SRXN1: variants seen among roughly 807,000 people sequenced by gnomAD.
SRXN1 encodes the protein sulfiredoxin-1.
Under a neutral mutation model 11.0 loss-of-function variants are expected in SRXN1, and 11 were observed. That is an observed-to-expected ratio of 1.00 (90% CI 0.63 to 1.65). SRXN1 has a LOEUF of 1.65. Among genes scored for constraint, SRXN1 ranks in the 40% most tolerant of loss-of-function variants. SRXN1 has a pLI of 0.00. For synonymous variants in SRXN1, 106 were observed against 92.8 expected, an observed-to-expected ratio of 1.14 and a Z score of -0.82; for missense variants, 211 against 194.5, an observed-to-expected ratio of 1.08 and a Z score of -0.50.
intron 1 of SRXN1, 125 bp from the exon 2 acceptor site, chr20:649,042 T>G: frequency 9.9e-7 from 1 of 1,010,110 alleles, no homozygotes; most frequent in Non-Finnish European, 1.5e-6. Flanking sequence ...GAGAGACAAC[T>G]GTTAATTATC....
intron 1 of SRXN1, 39 bp downstream of exon 1, chr20:652,937 A>C (rs1215833802): frequency 2.2e-6 from 3 of 1,377,864 alleles, no homozygotes; most frequent in African/African-American, 3.0e-5. Context: ...CCTCCTCCGA[A>C]GCCCTCCCTC....
At chr20:649,196 C>T (rs1294366373) in intron 1 of SRXN1, among the ~76,000 whole-genome samples, 1 of 152,234 alleles carries the variant, frequency 6.6e-6, no homozygotes, top group Admixed American at 6.5e-5. Flanking sequence ...CACTATCCAG[C>T]TGGCCCTGTT....
At chr20:648,985 T>C in intron 1 of SRXN1, 68 bp from the exon 2 acceptor site, 2 of 1,549,214 alleles carry the variant, frequency 1.3e-6, no homozygotes, top group East Asian at 2.3e-5. Flanking sequence ...GCAGACTTTG[T>C]CCACTTGTGC....
intron 1 of SRXN1, among the ~76,000 whole-genome samples, chr20:652,519 T>A (rs1253136781): frequency 6.6e-6 from 1 of 152,118 alleles, no homozygotes; most frequent in African/African-American, 2.4e-5. Context: ...GCCCACGGCT[T>A]ATCTCCGGGT....
chr20:648,703 C>CA lies in SRXN1; in HGVS notation c.*10dup. 1 of 1,613,876 alleles carries CA rather than the reference C, an allele frequency of 6.2e-7. No homozygotes were observed. The highest frequency in any genetic ancestry group is 8.5e-7 in the Non-Finnish European group (1 of 1,179,810). On this transcript the variant is annotated 3_prime_UTR_variant, in exon 2 of 2. Transcript: ENST00000381962. ...GGCTCTTGAAGGTGGCAGCAGGTGCCAAGGAGGCTGCTACTGCAAGTCTGG... is the reference window on the plus strand; with the variant it reads ...GGCTCTTGAAGGTGGCAGCAGGTGCCAAAGGAGGCTGCTACTGCAAGTCTGG...
At position 646,900 on chromosome 20, in the gene SRXN1, A is replaced by G. The variant is rs1600463524; in HGVS notation, c.*1814T>C. 6.6e-6 allele frequency: 1 copy of G among 152,148 alleles called. No individual in the cohort carries two copies. Among genetic ancestry groups the G allele is most frequent in the Non-Finnish European group, 1.5e-5 (1 of 68,036 alleles). The allele number at this position is 152,148 out of a possible 1,614,324, so 9.4% of individuals were successfully genotyped here. A position where few individuals can be genotyped will look rare whatever the true frequency, so the allele number is the denominator to read the frequency against. On this transcript the variant is annotated 3_prime_UTR_variant, in exon 2 of 2. Coordinates refer to ENST00000381962, the MANE Select transcript of SRXN1 (RefSeq NM_080725.3). Reference sequence around the variant, plus strand: ...GCACTGAAGACACTCTCCCTTTTCAATTCTATTACTGGTCACCTCAGTCAA... The same window carrying G: ...GCACTGAAGACACTCTCCCTTTTCAGTTCTATTACTGGTCACCTCAGTCAA...
At chr20:648,944 G>A (rs1469177100) in intron 1 of SRXN1, 27 bp from the exon 2 acceptor site, 2 of 1,612,128 alleles carry the variant, frequency 1.2e-6, no homozygotes, top group Admixed American at 3.3e-5. Context: ...CAGAGTCAAT[G>A]GACATGGTAC....
Position 648,620 on chromosome 20 carries a change from G to T in SRXN1, c.*94C>A. 1 of 1,390,898 alleles carries T rather than the reference G, an allele frequency of 7.2e-7. No individual in the cohort carries two copies. The highest frequency in any genetic ancestry group is 1.0e-6 in the Non-Finnish European group (1 of 991,334). The allele number at this position is 1,390,898 out of a possible 1,614,324, so 86.2% of individuals were successfully genotyped here. A position where few individuals can be genotyped will look rare whatever the true frequency, so the allele number is the denominator to read the frequency against. On this transcript the variant is annotated 3_prime_UTR_variant, in exon 2 of 2. Transcript: ENST00000381962. ...CCCTCTCGCCAGGTGCAAAGAGAAT[G>T]CACCCCTGCTATCCCTTCTGCATGG...
At chr20:652,077 C>T (rs905175211) in intron 1 of SRXN1, among the ~76,000 whole-genome samples, 10 of 152,168 alleles carry the variant, frequency 6.6e-5, no homozygotes, top group Non-Finnish European at 7.3e-5. Flanking sequence ...AAAAACATCT[C>T]GGGCTAAGGG....
Position 648,906 on chromosome 20 carries a change from G to A in SRXN1, c.222C>T (p.Asp74=), listed in dbSNP as rs556061182. 1 of 1,614,124 alleles carries A rather than the reference G, an allele frequency of 6.2e-7. No individual in the cohort carries two copies. Among genetic ancestry groups the A allele is most frequent in the South Asian group, 1.1e-5 (1 of 91,090 alleles). Residue 74 remains aspartate, a synonymous_variant, in exon 2 of 2, where the codon GAC becomes GAT. Transcript: ENST00000381962. ...SLVDTIREDP[D]SVPPIDVLWI... ...AGAGGACATCGATGGGGGGCACGCT[G>A]TCTGGGTCCTCCTGGGGAGAAGAGG... is the stretch of plus-strand genomic sequence containing the variant.
At position 647,977 on chromosome 20, in the gene SRXN1, G is replaced by A. The variant is rs1230069227; in HGVS notation, c.*737C>T. The A allele has an allele frequency of 4.7e-6, 2 of 425,384 alleles. No individual in the cohort carries two copies. The highest frequency in any genetic ancestry group is 4.7e-6 in the Non-Finnish European group (1 of 211,050). 26.4% of individuals were successfully genotyped at this position (425,384 alleles called of 1,614,324 possible). A position where few individuals can be genotyped will look rare whatever the true frequency, so the allele number is the denominator to read the frequency against. On this transcript the variant is annotated 3_prime_UTR_variant, in exon 2 of 2. Coordinates refer to ENST00000381962, the MANE Select transcript of SRXN1 (RefSeq NM_080725.3). Reference sequence around the variant, plus strand: ...TTCTGTTCCCTGCTGTCTTAGCTTTGTTTGCAGCTAGAGGTGCAATGGTAG... The same window carrying A: ...TTCTGTTCCCTGCTGTCTTAGCTTTATTTGCAGCTAGAGGTGCAATGGTAG...
Position 648,676 on chromosome 20 carries a change from T to A in SRXN1, c.*38A>T. On this transcript the variant is annotated 3_prime_UTR_variant, in exon 2 of 2. Transcript: ENST00000381962. ...CCTGCTGGAGGCCAGGTGTGTCTTC[T>A]GGGCTCTTGAAGGTGGCAGCAGGTG... 4 of 1,611,098 alleles carry A rather than the reference T, an allele frequency of 2.5e-6. No homozygotes were observed. The highest frequency in any genetic ancestry group is 1.7e-6 in the Non-Finnish European group (2 of 1,177,502).
At chr20:650,242 C>A (rs930020262) in intron 1 of SRXN1, among the ~76,000 whole-genome samples, 2 of 152,104 alleles carry the variant, frequency 1.3e-5, no homozygotes, top group African/African-American at 4.8e-5. Context: ...GGACAGGGCA[C>A]AGGGCTGGAA....
At position 647,982 on chromosome 20, in the gene SRXN1, C is replaced by T. The variant is rs149427435; in HGVS notation, c.*732G>A. 9.3e-6 allele frequency: 4 copies of T among 428,504 alleles called. No individual in the cohort carries two copies. In the Admixed American group the frequency reaches 9.9e-5, roughly 11 times the overall value. The allele number at this position is 428,504 out of a possible 1,614,324, so 26.5% of individuals were successfully genotyped here. On this transcript the variant is annotated 3_prime_UTR_variant, in exon 2 of 2. Coordinates refer to ENST00000381962, the MANE Select transcript of SRXN1 (RefSeq NM_080725.3). ...TTCCCTGCTGTCTTAGCTTTGTTTG[C>T]AGCTAGAGGTGCAATGGTAGCTGGC...
chr20:652,755 A>G (rs1983705202), intron 1 of SRXN1, among the ~76,000 whole-genome samples: 1 of 152,176 alleles, frequency 6.6e-6, no homozygotes, highest in Non-Finnish European at 1.5e-5. Context: ...AAGCGTTATC[A>G]TCACTACTTT....
chr20:648,568 C>A lies in SRXN1; in HGVS notation c.*146G>T. 1 of 867,474 alleles carries A rather than the reference C, an allele frequency of 1.2e-6. No individual in the cohort carries two copies. Among genetic ancestry groups the A allele is most frequent in the South Asian group, 1.6e-5 (1 of 64,210 alleles). 53.7% of individuals were successfully genotyped at this position (867,474 alleles called of 1,614,324 possible). A position where few individuals can be genotyped will look rare whatever the true frequency, so the allele number is the denominator to read the frequency against. On this transcript the variant is annotated 3_prime_UTR_variant, in exon 2 of 2. Coordinates refer to ENST00000381962, the MANE Select transcript of SRXN1 (RefSeq NM_080725.3). ...GTACAGTGAGTCCAAGGCCTTGTAGCTGGTGAGAGGGGTGCCCAGAGTCAG... is the reference window on the plus strand; with the variant it reads ...GTACAGTGAGTCCAAGGCCTTGTAGATGGTGAGAGGGGTGCCCAGAGTCAG...
At chr20:651,174 G>C (rs1039854904) in intron 1 of SRXN1, among the ~76,000 whole-genome samples, 1 of 152,200 alleles carries the variant, frequency 6.6e-6, no homozygotes, top group African/African-American at 2.4e-5. Flanking sequence ...GCGAGGAAAT[G>C]GATTCTCCCC....
chr20:651,935 A>G (rs1983684017), intron 1 of SRXN1, among the ~76,000 whole-genome samples: 2 of 152,226 alleles, frequency 1.3e-5, no homozygotes, highest in Non-Finnish European at 2.9e-5. Flanking sequence ...CCGTGCTACT[A>G]TTGTGGCAAC....
At chr20:652,918 GGC>G (rs1568641847) in intron 1 of SRXN1, 56 bp downstream of exon 1, 45 of 941,052 alleles carry the variant, frequency 4.8e-5, no homozygotes, top group East Asian at 2.3e-4. Flanking sequence ...TCCCTCCTCC[GGC>G]AACCTCCCTC....
Sources: allele counts gnomAD v4.1 joint callset (sites outside exome capture counted in the v4.1 genomes callset), GRCh38; gene constraint gnomAD v4.1.1; transcripts MANE v1.5; gene names NCBI Gene and HGNC (gene_info 2026-07-23, HGNC 2026-07-21).